The following ADCY10 variants were observed in gnomAD, a reference collection of about 807,000 sequenced individuals.
ADCY10 encodes the protein adenylate cyclase 10.
Under a neutral mutation model 183.3 loss-of-function variants are expected in ADCY10, and 156 were observed. The observed-to-expected ratio is 0.85, with a 90% CI of 0.75 to 0.97. The LOEUF is 0.97. ADCY10 is among the 50% of genes least tolerant of loss of function. The probability of loss-of-function intolerance (pLI) is 0.00; values close to 1 mark genes in which losing one functional copy is unlikely to be tolerated. For missense variants in ADCY10, 1,745 were observed against 1,934.3 expected, an observed-to-expected ratio of 0.90 and a Z score of 1.84; for synonymous variants, 645 against 670.0, an observed-to-expected ratio of 0.96 and a Z score of 0.58.
Position 167,899,496 on chromosome 1 carries a change from G to A in ADCY10, c.569C>T (p.Ser190Leu). The A allele has an allele frequency of 6.2e-7, 1 of 1,614,226 alleles. No homozygotes were observed. The highest frequency in any genetic ancestry group is 2.2e-5 in the East Asian group (1 of 44,886). The change falls in exon 6 of 33, where the codon TCA (serine) becomes TTA (leucine). Residue 190 changes from serine (S) to leucine (L), a missense_variant. Physicochemically the swap from Ser to Leu is moderately radical, Grantham distance 145. Transcript: ENST00000367851. ...NMAQMNDVIL[S>L]PNCWQLCDRS... ...GTCACAGAGCTGCCAGCAGTTTGGTGACAGAATAACATCATTCATCTGAGC... is the reference window on the plus strand; with the variant it reads ...GTCACAGAGCTGCCAGCAGTTTGGTAACAGAATAACATCATTCATCTGAGC...
chr1:167,827,360 A>C (rs1663378917), intron 26 of ADCY10, among the ~76,000 whole-genome samples: 4 of 110,916 alleles, frequency 3.6e-5, no homozygotes, highest in Non-Finnish European at 7.5e-5. Flanking sequence ...TTGTATTTTC[A>C]GTAGAGACAG....
chr1:167,877,883 G>T (rs554107951), intron 12 of ADCY10, among the ~76,000 whole-genome samples: 1 of 152,272 alleles, frequency 6.6e-6, no homozygotes, highest in East Asian at 1.9e-4. Context: ...AGAGGAGGGG[G>T]AACAGGAGGA....
In ADCY10 at chr1:167,848,391, T is replaced by C. The variant is rs1396442268; in HGVS notation, c.2407A>G (p.Lys803Glu). The part of the protein sequence containing the change: ...VCHLTSGVRL[K>E]NLSPPTSLKE... ...AATGACGTTGGAGGTGACAGGTTTT[T>C]CAGTCTGACACCACTTGTGAGGTGA... Residue 803 changes from lysine (K) to glutamate (E), a missense_variant, in exon 19 of 33, where the codon AAA becomes GAA. Lys to Glu is a moderately conservative substitution (Grantham distance 56, BLOSUM62 1). Coordinates refer to ENST00000367851, the MANE Select transcript of ADCY10 (RefSeq NM_018417.6). The C allele has an allele frequency of 6.2e-7, 1 of 1,613,940 alleles. No individual in the cohort carries two copies. Among genetic ancestry groups the C allele is most frequent in the Non-Finnish European group, 8.5e-7 (1 of 1,179,966 alleles).
chr1:167,863,084 T>A (rs1377367692), intron 14 of ADCY10, among the ~76,000 whole-genome samples: 3 of 152,218 alleles, frequency 2.0e-5, no homozygotes, highest in African/African-American at 7.2e-5. Context: ...AACTAGTGAT[T>A]CCCTGTTGAG....
chr1:167,856,236 T>C lies in ADCY10; in HGVS notation c.2100A>G (p.Val700=). The C allele has an allele frequency of 5.0e-6, 8 of 1,613,860 alleles. No individual in the cohort carries two copies. Among genetic ancestry groups the C allele is most frequent in the Non-Finnish European group, 6.8e-6 (8 of 1,179,794 alleles). ...RNTTYIVIGA[V]QPNDISNKIC... ...TCTTGTTGGAGATGTCGTTAGGCTG[T>C]ACTGCACCAATGACAATGTAGGTGG... is the stretch of plus-strand genomic sequence containing the variant. Residue 700 remains valine (V), a synonymous_variant, in exon 17 of 33, where the codon GTA becomes GTG. Coordinates refer to ENST00000367851, the MANE Select transcript of ADCY10 (RefSeq NM_018417.6).
intron 24 of ADCY10, among the ~76,000 whole-genome samples, chr1:167,833,377 G>C (rs1458218904): frequency 6.6e-6 from 1 of 152,158 alleles, no homozygotes; most frequent in Non-Finnish European, 1.5e-5. Flanking sequence ...TCTTAGTTGT[G>C]CATTGTCTAC....
intron 8 of ADCY10, among the ~76,000 whole-genome samples, chr1:167,892,237 G>A (rs553515707): frequency 6.6e-6 from 1 of 152,192 alleles, no homozygotes; most frequent in South Asian, 2.1e-4. Context: ...TTCCCAAAGT[G>A]CTGGGATTAC....
chr1:167,877,357 G>A (rs1413390466), intron 12 of ADCY10, among the ~76,000 whole-genome samples: 1 of 151,332 alleles, frequency 6.6e-6, no homozygotes, highest in Admixed American at 6.6e-5. Flanking sequence ...CTTTATTGAT[G>A]GCCTATGTAT....
Position 167,870,173 on chromosome 1 carries a change from A to C in ADCY10, c.1616+84T>G, listed in dbSNP as rs1192674408. ...TTGTAGGTTATAGATAATTTACATAAGGCAAGTTATAGGAAGGAGAGGAGC... is the reference window on the plus strand; with the variant it reads ...TTGTAGGTTATAGATAATTTACATACGGCAAGTTATAGGAAGGAGAGGAGC... On this transcript the variant is annotated intron_variant, in intron 14 of 32. Transcript: ENST00000367851. The C allele has an allele frequency of 2.0e-6, 3 of 1,483,736 alleles. No individual in the cohort carries two copies. In the African/African-American group the frequency reaches 4.1e-5, roughly 20 times the overall value. The allele number at this position is 1,483,736 out of a possible 1,614,324, so 91.9% of individuals were successfully genotyped here. A position where few individuals can be genotyped will look rare whatever the true frequency, so the allele number is the denominator to read the frequency against.
At chr1:167,881,782 A>C (rs113456701) in intron 9 of ADCY10, among the ~76,000 whole-genome samples, 4 of 152,362 alleles carry the variant, frequency 2.6e-5, no homozygotes, top group African/African-American at 9.6e-5. Context: ...ACAGCTGGGA[A>C]TCTTTGGAGC....
intron 7 of ADCY10, 22 bp from the exon 8 acceptor site, chr1:167,893,963 G>A (rs1277659735): frequency 2.5e-6 from 4 of 1,589,636 alleles, no homozygotes; most frequent in African/African-American, 1.3e-5. Flanking sequence ...GAAGGAGGGT[G>A]CAGGCTCAGA....
At chr1:167,864,628 A>G (rs1396456194) in intron 14 of ADCY10, among the ~76,000 whole-genome samples, 1 of 152,166 alleles carries the variant, frequency 6.6e-6, no homozygotes, top group Non-Finnish European at 1.5e-5. Flanking sequence ...TCAAAGAGAG[A>G]AAGAAAAATA....
chr1:167,898,705 G>T (rs777890130), intron 6 of ADCY10, among the ~76,000 whole-genome samples: 3 of 152,126 alleles, frequency 2.0e-5, no homozygotes, highest in Non-Finnish European at 2.9e-5. Context: ...TGAGGAGTGG[G>T]TGGTGGTGGT....
chr1:167,876,053 T>C (rs1667442832), intron 12 of ADCY10, among the ~76,000 whole-genome samples: 1 of 152,088 alleles, frequency 6.6e-6, no homozygotes, highest in African/African-American at 2.4e-5. Flanking sequence ...GGTCAGGAGT[T>C]TGAGACCAGC....
At chr1:167,832,503 T>A (rs564090277) in intron 25 of ADCY10, among the ~76,000 whole-genome samples, 1 of 152,324 alleles carries the variant, frequency 6.6e-6, no homozygotes, top group African/African-American at 2.4e-5. Flanking sequence ...ACCCCCCATG[T>A]AACCCATATC....
chr1:167,855,684 T>C (rs1665838811), intron 17 of ADCY10, among the ~76,000 whole-genome samples: 1 of 152,110 alleles, frequency 6.6e-6, no homozygotes, highest in Admixed American at 6.5e-5. Flanking sequence ...GTGAGCAACA[T>C]CCATCCTACC....
chr1:167,827,317 G>A (rs548942201), intron 26 of ADCY10, among the ~76,000 whole-genome samples: 211 of 147,032 alleles, frequency 1.4e-3, no homozygotes, highest in Non-Finnish European at 2.2e-3. Context: ...ACAGGCGCCC[G>A]CCACCACGCC....
chr1:167,874,453 A>G (rs906903859), intron 13 of ADCY10, among the ~76,000 whole-genome samples: 3 of 152,226 alleles, frequency 2.0e-5, no homozygotes, highest in Admixed American at 6.5e-5. Flanking sequence ...CAACAGAATT[A>G]TTGAAAGGAT....
Position 167,833,029 on chromosome 1 carries a change from A to C in ADCY10, c.3551T>G (p.Phe1184Cys). 6.2e-7 allele frequency: 1 copy of C among 1,614,084 alleles called. No homozygotes were observed. The highest frequency in any genetic ancestry group is 8.5e-7 in the Non-Finnish European group (1 of 1,180,004). The change falls in exon 25 of 33, where the codon TTT (phenylalanine) becomes TGT (cysteine). Residue 1184 changes from phenylalanine to cysteine, a missense_variant. Transcript: ENST00000367851. ...TTGGGCCTGCCGATTCACATAATGA[A>C]AGTGTCTGTTTTTCTCGACATGGAT... ...LHIHVEKNRH[F>C]HYVNRQAQES...
Sources: gnomAD v4.1 joint callset for allele counts (sites outside exome capture counted in the v4.1 genomes callset) on GRCh38, gnomAD v4.1.1 for gene constraint, MANE v1.5 for transcripts, NCBI Gene and HGNC (gene_info 2026-07-23, HGNC 2026-07-21) for gene names.